The following MAJIN variants were observed in gnomAD, a reference collection of about 807,000 sequenced individuals.
MAJIN encodes membrane-anchored junction protein.
MAJIN carries 27 observed loss-of-function variants against 30.2 expected under a neutral mutation model. The ratio of observed to expected loss-of-function variants is 0.89; its 90% confidence interval spans 0.66 to 1.23. MAJIN has a LOEUF of 1.23. MAJIN is among the 50% of genes most tolerant of loss of function. The pLI, the probability that MAJIN is intolerant of heterozygous loss-of-function variation, is 0.00. For missense variants in MAJIN, 253 were observed against 260.3 expected, an observed-to-expected ratio of 0.97 and a Z score of 0.19; for synonymous variants, 78 against 91.6, an observed-to-expected ratio of 0.85 and a Z score of 0.85.
At chr11:64,946,267 C>T in intron 8 of MAJIN, 1 of 1,177,568 alleles carries the variant, frequency 8.5e-7, no homozygotes, top group South Asian at 1.7e-5. Flanking sequence ...TTATACTACT[C>T]CTGGCTGGCA....
At chr11:64,947,672 A>T in intron 7 of MAJIN, 116 bp downstream of exon 7, 1 of 1,190,522 alleles carries the variant, frequency 8.4e-7, no homozygotes, top group Non-Finnish European at 1.2e-6. Flanking sequence ...TACAATTCTG[A>T]CTGGACCTGG....
At chr11:64,938,992 C>A (rs941000203) in intron 10 of MAJIN, among the ~76,000 whole-genome samples, 8 of 152,172 alleles carry the variant, frequency 5.3e-5, no homozygotes, top group Non-Finnish European at 1.2e-4. Context: ...TGCAATGGCA[C>A]GATCTCAGCT....
intron 2 of MAJIN, among the ~76,000 whole-genome samples, 193 bp downstream of exon 2, chr11:64,959,896 C>G (rs968501013): frequency 1.3e-5 from 2 of 152,126 alleles, no homozygotes; most frequent in African/African-American, 4.8e-5. Context: ...CGTTTGCTAT[C>G]AATTTTAGAT....
chr11:64,966,145 GA>G (rs58387921), intron 1 of MAJIN, among the ~76,000 whole-genome samples: 747 of 57,086 alleles, frequency 0.013, 10 homozygotes, highest in Middle Eastern at 0.042. Flanking sequence ...GATTAAAAAT[GA>G]AAAAAAAAAA....
chr11:64,961,412 C>T (rs1443404295), intron 1 of MAJIN, among the ~76,000 whole-genome samples: 1 of 150,660 alleles, frequency 6.6e-6, no homozygotes, highest in African/African-American at 2.4e-5. Context: ...GGTGATCTGC[C>T]TGCTTCGTCC....
At chr11:64,939,941 C>G (rs1293828004) in intron 9 of MAJIN, 174 bp from the exon 10 acceptor site, 1 of 529,086 alleles carries the variant, frequency 1.9e-6, no homozygotes, top group African/African-American at 1.9e-5. Flanking sequence ...CAGTAAGATG[C>G]TATTCTGACC....
chr11:64,950,247 T>C, intron 5 of MAJIN, 108 bp downstream of exon 5: 11 of 953,468 alleles, frequency 1.2e-5, no homozygotes, highest in Non-Finnish European at 1.5e-5. Flanking sequence ...AGAGAATCGC[T>C]TGAACCTGGG....
intron 4 of MAJIN, 198 bp downstream of exon 4, chr11:64,954,559 C>T (rs1269918512): frequency 1.4e-6 from 1 of 693,962 alleles, no homozygotes; most frequent in East Asian, 2.8e-5. Context: ...GACATTTCAA[C>T]TAGGAAAACT....
In MAJIN at chr11:64,939,547, A is replaced by G. The variant is rs1945341475; in HGVS notation, c.*1+115T>C. On this transcript the variant is annotated intron_variant, in intron 10 of 10. Transcript: ENST00000301896. ...ATTTCCATCATCTATCCTAGACATA[A>G]GTGAGAAGCCTCTGTAAGTAATCTG... The G allele has an allele frequency of 8.2e-6, 7 of 854,692 alleles. No homozygotes were observed. In the South Asian group the frequency reaches 1.0e-4, roughly 12 times the overall value. 52.9% of individuals were successfully genotyped at this position (854,692 alleles called of 1,614,324 possible).
intron 1 of MAJIN, among the ~76,000 whole-genome samples, chr11:64,965,614 T>C (rs1217628418): frequency 2.6e-5 from 4 of 152,288 alleles, no homozygotes; most frequent in South Asian, 4.1e-4. Flanking sequence ...CTCACCACCC[T>C]GTCCAGTAGT....
At chr11:64,957,084 C>A (rs1040544002) in intron 3 of MAJIN, among the ~76,000 whole-genome samples, 12 of 144,844 alleles carry the variant, frequency 8.3e-5, no homozygotes, top group African/African-American at 3.0e-4. Context: ...TTTTTTCTCT[C>A]TTTTTGAAGT....
intron 8 of MAJIN, chr11:64,946,138 A>G: frequency 6.5e-7 from 1 of 1,535,524 alleles, no homozygotes; most frequent in Non-Finnish European, 8.7e-7. Context: ...CTTGGCTGGA[A>G]GTCCCTATCT....
intron 2 of MAJIN, 140 bp from the exon 3 acceptor site, chr11:64,959,562 T>C (rs1945691620): frequency 1.6e-6 from 1 of 629,496 alleles, no homozygotes; most frequent in South Asian, 2.0e-5. Flanking sequence ...ACCAGGATCA[T>C]CACTTGGAAC....
intron 8 of MAJIN, among the ~76,000 whole-genome samples, chr11:64,946,308 G>T (rs1224075713): frequency 6.6e-6 from 1 of 152,166 alleles, no homozygotes; most frequent in Non-Finnish European, 1.5e-5. Flanking sequence ...TTTTCTTTGG[G>T]TGCTGCTTTA....
Position 64,949,735 on chromosome 11 carries a change from C to A in MAJIN, c.349+8G>T. On this transcript the variant is annotated splice_region_variant and intron_variant, in intron 6 of 10. Transcript: ENST00000301896. ...CTCTGCCATCCACATTCACATCATTCCACTTACCAGGTGACAGGTTTTCAT... is the reference window on the plus strand; with the variant it reads ...CTCTGCCATCCACATTCACATCATTACACTTACCAGGTGACAGGTTTTCAT... 1 of 1,612,326 alleles carries A rather than the reference C, an allele frequency of 6.2e-7. No homozygotes were observed. The highest frequency in any genetic ancestry group is 1.1e-5 in the South Asian group (1 of 91,056).
intron 7 of MAJIN, 36 bp from the exon 8 acceptor site, chr11:64,947,501 T>A: frequency 6.3e-7 from 1 of 1,582,908 alleles, no homozygotes; most frequent in Non-Finnish European, 8.7e-7. Flanking sequence ...ACTCCTCCTT[T>A]CCAGAGTTGC....
intron 3 of MAJIN, among the ~76,000 whole-genome samples, chr11:64,955,430 A>G (rs929334341): frequency 1.3e-5 from 2 of 152,252 alleles, no homozygotes; most frequent in African/African-American, 2.4e-5. Context: ...CTGCATACCA[A>G]AATATGATAG....
intron 1 of MAJIN, among the ~76,000 whole-genome samples, chr11:64,967,849 A>T (rs1334038902): frequency 6.6e-6 from 1 of 152,180 alleles, no homozygotes; most frequent in East Asian, 1.9e-4. Context: ...AACATTCAAC[A>T]TATAAATAAA....
intron 4 of MAJIN, among the ~76,000 whole-genome samples, chr11:64,953,077 G>A (rs1945579478): frequency 6.6e-6 from 1 of 152,180 alleles, no homozygotes; most frequent in African/African-American, 2.4e-5. Context: ...ATAAGAGAAA[G>A]ATGCATATGC....
Sources: allele counts gnomAD v4.1 joint callset (sites outside exome capture counted in the v4.1 genomes callset), GRCh38; gene constraint gnomAD v4.1.1; transcripts MANE v1.5; gene names NCBI Gene and HGNC (gene_info 2026-07-23, HGNC 2026-07-21).